Variants in PHF11 observed in about 807,000 individuals in gnomAD.
The protein encoded by PHF11 is PHD finger protein 11, also known as BRCA1 C-terminus-associated protein.
PHF11 carries 38 observed loss-of-function variants against 40.5 expected under a neutral mutation model. That is an observed-to-expected ratio of 0.94 (90% confidence interval 0.72 to 1.23). The LOEUF (loss-of-function observed/expected upper bound fraction) is 1.23, where lower values mean the gene tolerates loss of function less well. PHF11 is among the 50% of genes most tolerant of loss of function. The pLI is 0.00. For synonymous variants in PHF11, 127 were observed against 138.2 expected (o/e 0.92, Z 0.57); for missense variants, 369 against 392.4 (o/e 0.94, Z 0.50).
intron 1 of PHF11, among the ~76,000 whole-genome samples, chr13:49,503,067 G>A (rs970812963): frequency 6.6e-6 from 1 of 152,148 alleles, no homozygotes; most frequent in Non-Finnish European, 1.5e-5. Flanking sequence ...TGCTTCTCCT[G>A]CTCAGACATC....
chr13:49,496,967 G>A (rs1566183285), intron 1 of PHF11: 1 of 821,010 alleles, frequency 1.2e-6, no homozygotes. Flanking sequence ...CCGAGTGGAT[G>A]GGATTACAGG....
intron 1 of PHF11, chr13:49,497,276 AAC>A: frequency 1.0e-6 from 1 of 965,336 alleles, no homozygotes. Flanking sequence ...AGACTGGTAT[AAC>A]CAACTTCTTC....
chr13:49,497,974 A>G (rs1199005660), intron 1 of PHF11, among the ~76,000 whole-genome samples: 1 of 152,198 alleles, frequency 6.6e-6, no homozygotes, highest in African/African-American at 2.4e-5. Context: ...CCTGTCTAAA[A>G]GAGCACCCCT....
rs376750113 is a variant in PHF11 at position 49,518,050 on chromosome 13, C to G, written c.357C>G (p.Thr119=). The G allele has an allele frequency of 6.3e-7, 1 of 1,582,770 alleles. No individual in the cohort carries two copies. Among genetic ancestry groups the G allele is most frequent in the South Asian group, 1.1e-5 (1 of 88,864 alleles). ...KCKFCHKRGA[T]VGCDLKNCNK... ...AATTTTGTCATAAAAGAGGAGCCACCGTGGGATGTGATTTAAAAAACTGTA... is the reference window on the plus strand; with the variant it reads ...AATTTTGTCATAAAAGAGGAGCCACGGTGGGATGTGATTTAAAAAACTGTA... The change falls in exon 4 of 10, where the codon ACC becomes ACG. Residue 119 remains threonine (T), a synonymous_variant. Transcript: ENST00000378319.
chr13:49,523,882 G>C (rs963176236), intron 7 of PHF11: 17 of 338,634 alleles, frequency 5.0e-5, no homozygotes, highest in Non-Finnish European at 8.4e-5. Flanking sequence ...TTTACTTTTT[G>C]TAACATTTTA....
At position 49,528,816 on chromosome 13, in the gene PHF11, C is replaced by A. The variant is rs1163958490; in HGVS notation, c.*151C>A. The A allele has an allele frequency of 3.4e-5, 20 of 581,502 alleles. No individual in the cohort carries two copies. The East Asian group carries it at 5.1e-4, about 15-fold the overall frequency. 36.0% of individuals were successfully genotyped at this position (581,502 alleles called of 1,614,324 possible). On this transcript the variant is annotated 3_prime_UTR_variant, in exon 10 of 10. Transcript: ENST00000378319. ...TGTTCTTACTGGTTGACATTTTGAT[C>A]ACTCTTTGCACACTCTTGTGTTTTT...
chr13:49,507,785 T>C (rs1333501188), intron 2 of PHF11, among the ~76,000 whole-genome samples: 3 of 152,204 alleles, frequency 2.0e-5, no homozygotes, highest in Admixed American at 1.3e-4. Flanking sequence ...GAATGGTTTA[T>C]GGGTACTATA....
At chr13:49,516,832 G>A (rs867804780) in intron 3 of PHF11, among the ~76,000 whole-genome samples, 28 of 152,110 alleles carry the variant, frequency 1.8e-4, no homozygotes, top group Middle Eastern at 3.4e-3. Flanking sequence ...CAATCCTCCT[G>A]CCTCAGCCTC....
At chr13:49,518,287 A>C (rs1392741181) in intron 4 of PHF11, 136 bp downstream of exon 4, 1 of 464,422 alleles carries the variant, frequency 2.2e-6, no homozygotes, top group East Asian at 3.3e-5. Context: ...TGGGGGATGC[A>C]CAGGGGTTAT....
intron 8 of PHF11, among the ~76,000 whole-genome samples, chr13:49,525,507 C>A (rs2139079391): frequency 6.6e-6 from 1 of 152,298 alleles, no homozygotes; most frequent in African/African-American, 2.4e-5. Flanking sequence ...CTTGGCCTCC[C>A]AAAGTGCGGG....
intron 9 of PHF11, 127 bp from the exon 10 acceptor site, chr13:49,528,384 G>A: frequency 1.5e-6 from 1 of 645,318 alleles, no homozygotes; most frequent in Non-Finnish European, 2.6e-6. Context: ...TAAGGCTCTG[G>A]ATCCTTTTCA....
chr13:49,513,299 T>C (rs1267452845), intron 3 of PHF11, 133 bp downstream of exon 3: 3 of 548,004 alleles, frequency 5.5e-6, no homozygotes, highest in Non-Finnish European at 9.6e-6. Flanking sequence ...AGGAACTGTA[T>C]TGGAAACCTC....
chr13:49,518,651 GA>G (rs1359248060), intron 4 of PHF11: 3 of 152,074 alleles, frequency 2.0e-5, no homozygotes, highest in African/African-American at 2.4e-5. Context: ...TTTTCCAGAG[GA>G]GGAAACTGGG....
At chr13:49,498,408 T>C (rs1465826796) in intron 1 of PHF11, among the ~76,000 whole-genome samples, 1 of 130,830 alleles carries the variant, frequency 7.6e-6, no homozygotes, top group Admixed American at 7.1e-5. Flanking sequence ...AGTAACCTAG[T>C]ACATTTCCGG....
chr13:49,512,129 A>G (rs929443386), intron 2 of PHF11, among the ~76,000 whole-genome samples: 16 of 152,218 alleles, frequency 1.1e-4, no homozygotes, highest in Non-Finnish European at 1.9e-4. Context: ...AATATGCCTA[A>G]GGGTTAATGA....
chr13:49,521,252 T>C, intron 5 of PHF11: 1 of 1,034,808 alleles, frequency 9.7e-7, no homozygotes, highest in Non-Finnish European at 1.2e-6. Context: ...TCCATAAGAA[T>C]TTTCAGTAGA....
rs773612556 is a variant in PHF11, at chr13:49,507,940, A to G, written c.216+1184A>G. Among the ~76,000 whole-genome samples the G allele has an allele frequency of 1.1e-4, 17 of 152,126 alleles. No individual in the cohort carries two copies. In the South Asian group the frequency reaches 3.3e-3, roughly 30 times the overall value. On this transcript the variant is annotated intron_variant, in intron 2 of 9. Coordinates refer to ENST00000378319, the MANE Select transcript of PHF11 (RefSeq NM_001040443.3). ...ACGACTGCACTATGGCTTTATTACT[A>G]GCCTTGGCTTTTATTTTGGCACTTT...
chr13:49,512,818 C>T (rs1959096375), intron 2 of PHF11, among the ~76,000 whole-genome samples: 1 of 152,154 alleles, frequency 6.6e-6, no homozygotes, highest in African/African-American at 2.4e-5. Flanking sequence ...AGGGTTCCAC[C>T]CAGGTCAATG....
Position 49,497,087 on chromosome 13 carries a change from AG to A in PHF11, c.94+996del. 7.8e-6 allele frequency: 10 copies of A among 1,281,004 alleles called. No homozygotes were observed. In the South Asian group the frequency reaches 1.2e-4, roughly 16 times the overall value. The allele number at this position is 1,281,004 out of a possible 1,614,324, so 79.4% of individuals were successfully genotyped here. A position where few individuals can be genotyped will look rare whatever the true frequency, so the allele number is the denominator to read the frequency against. ...ACTCAGCCAAAGGTGGAAAAGTTGA[AG>A]GGGTGTTCCCAGCAGAGAGGATGAC... On this transcript the variant is annotated intron_variant, in intron 1 of 9. Coordinates refer to ENST00000378319, the MANE Select transcript of PHF11 (RefSeq NM_001040443.3).
Sources: allele counts gnomAD v4.1 joint callset (sites outside exome capture counted in the v4.1 genomes callset), GRCh38; gene constraint gnomAD v4.1.1; transcripts MANE v1.5; gene names NCBI Gene and HGNC (gene_info 2026-07-23, HGNC 2026-07-21).